ZNF804B: variants seen among roughly 807,000 people sequenced by gnomAD.
ZNF804B encodes zinc finger 804B.
Under a neutral mutation model 101.4 loss-of-function variants are expected in ZNF804B, and 80 were observed. That is an observed-to-expected ratio of 0.79 (90% CI 0.66 to 0.95). The LOEUF is 0.95. Among genes scored for constraint, ZNF804B ranks in the 40% least tolerant of loss-of-function variants. The probability of loss-of-function intolerance (pLI) is 0.00; values close to 1 mark genes in which losing one functional copy is unlikely to be tolerated. For synonymous variants in ZNF804B, 622 were observed against 558.8 expected (o/e 1.11, Z -1.59); for missense variants, 1,673 against 1,561.9 (o/e 1.07, Z -1.20).
At chr7:88,794,043 A>G in intron 1 of ZNF804B, 4 of 619,120 alleles carry the variant, frequency 6.5e-6, no homozygotes, top group South Asian at 3.5e-5. Flanking sequence ...AACATACTCT[A>G]TAAAGATTAA....
At chr7:89,153,460 A>ATAATAATAG (rs1205435677) in intron 1 of ZNF804B, among the ~76,000 whole-genome samples, 31 of 141,324 alleles carry the variant, frequency 2.2e-4, no homozygotes, top group Non-Finnish European at 3.5e-4. Flanking sequence ...AATAATAATA[A>ATAATAATAG]TAATTTTTGC....
chr7:88,934,115 A>G (rs1792932147), intron 1 of ZNF804B, among the ~76,000 whole-genome samples: 2 of 151,668 alleles, frequency 1.3e-5, no homozygotes, highest in Non-Finnish European at 3.0e-5. Context: ...AATAAAGCCA[A>G]ATAGAGCCAA....
In ZNF804B at chr7:89,336,209, C is replaced by G. The variant is rs1392111607; in HGVS notation, c.3227C>G (p.Ala1076Gly). 1 of 1,613,818 alleles carries G rather than the reference C, an allele frequency of 6.2e-7. No individual in the cohort carries two copies. Among genetic ancestry groups the G allele is most frequent in the Admixed American group, 1.7e-5 (1 of 59,960 alleles). ...CCAGTACCAAATGAATTCCCTGGTG[C>G]TTTTCCGTCTAATAAATATACTGGT... ...CDPVPNEFPG[A>G]FPSNKYTGVT... The change falls in exon 4 of 4, where the codon GCT (alanine) becomes GGT (glycine). Residue 1076 changes from alanine (A) to glycine (G), a missense_variant. Physicochemically the swap from Ala to Gly is moderately conservative, Grantham distance 60. Transcript: ENST00000333190.
intron 1 of ZNF804B, among the ~76,000 whole-genome samples, chr7:88,992,710 G>A (rs1208053057): frequency 1.3e-5 from 2 of 151,984 alleles, no homozygotes; most frequent in African/African-American, 4.8e-5. Context: ...GTTACATAAA[G>A]TAATATAATC....
At chr7:88,767,228 C>T (rs758360085) in intron 1 of ZNF804B, among the ~76,000 whole-genome samples, 8 of 152,186 alleles carry the variant, frequency 5.3e-5, no homozygotes, top group Non-Finnish European at 1.0e-4. Context: ...CTCCCCTGTT[C>T]ACCATCCACA....
chr7:89,316,881 A>G (rs1394848419), intron 2 of ZNF804B, among the ~76,000 whole-genome samples: 1 of 152,188 alleles, frequency 6.6e-6, no homozygotes, highest in Non-Finnish European at 1.5e-5. Context: ...CCTAAGTTTG[A>G]GTGTGAAACA....
At chr7:89,284,896 G>T (rs1219181912) in intron 2 of ZNF804B, among the ~76,000 whole-genome samples, 1 of 151,978 alleles carries the variant, frequency 6.6e-6, no homozygotes, top group Non-Finnish European at 1.5e-5. Flanking sequence ...GTTCTGAGGG[G>T]CCATTAAGAA....
At chr7:89,328,280 T>C (rs1472015260) in intron 3 of ZNF804B, among the ~76,000 whole-genome samples, 1 of 151,900 alleles carries the variant, frequency 6.6e-6, no homozygotes, top group Admixed American at 6.6e-5. Flanking sequence ...TAAAAGGTAA[T>C]TTTAAGGAAA....
intron 1 of ZNF804B, among the ~76,000 whole-genome samples, chr7:88,850,497 C>G (rs1033898682): frequency 1.3e-5 from 2 of 152,004 alleles, no homozygotes; most frequent in Non-Finnish European, 2.9e-5. Context: ...AAAGGATTAG[C>G]GGAAACATCT....
rs542176311 is a variant in ZNF804B, at chr7:88,789,084, A to C, written c.108+29000A>C. 5.9e-5 allele frequency among the ~76,000 whole-genome samples: 9 copies of C among 152,260 alleles called. No homozygotes were observed. In the South Asian group the frequency reaches 8.3e-4, roughly 14 times the overall value. ...AGTATTTTAATAAATCCAAAGTCCA[A>C]CCATTGTTAGAAATTAACAACTAAA... On this transcript the variant is annotated intron_variant, in intron 1 of 3. Coordinates refer to ENST00000333190, the MANE Select transcript of ZNF804B (RefSeq NM_181646.5).
chr7:88,787,123 T>A (rs1790314157), intron 1 of ZNF804B, among the ~76,000 whole-genome samples: 1 of 151,860 alleles, frequency 6.6e-6, no homozygotes, highest in Non-Finnish European at 1.5e-5. Context: ...CATGGAAAAA[T>A]TAGGGAACTG....
chr7:89,068,484 A>G (rs139211080), intron 1 of ZNF804B, among the ~76,000 whole-genome samples: 2 of 152,264 alleles, frequency 1.3e-5, no homozygotes, highest in African/African-American at 4.8e-5. Context: ...TATGATCACA[A>G]TGTTTAATGT....
intron 1 of ZNF804B, among the ~76,000 whole-genome samples, chr7:89,204,623 C>A (rs1788690397): frequency 6.6e-6 from 1 of 152,156 alleles, no homozygotes; most frequent in Non-Finnish European, 1.5e-5. Flanking sequence ...CTCAAAATCT[C>A]TTCATGCAAA....
chr7:89,103,057 T>TG (rs1790082799), intron 1 of ZNF804B, among the ~76,000 whole-genome samples: 1 of 71,852 alleles, frequency 1.4e-5, no homozygotes, highest in Non-Finnish European at 2.9e-5. Context: ...TGTTTTTTTT[T>TG]TTTTTTTTTT....
chr7:88,777,423 T>A (rs1790158715), intron 1 of ZNF804B, among the ~76,000 whole-genome samples: 1 of 152,242 alleles, frequency 6.6e-6, no homozygotes, highest in Admixed American at 6.5e-5. Context: ...CTGGAATAGG[T>A]ACTTTACTGG....
chr7:89,209,197 G>A (rs1254659741), intron 1 of ZNF804B, among the ~76,000 whole-genome samples: 2 of 151,898 alleles, frequency 1.3e-5, no homozygotes, highest in African/African-American at 4.8e-5. Context: ...TTCCAAATTA[G>A]AAACAATGCT....
intron 2 of ZNF804B, among the ~76,000 whole-genome samples, chr7:89,255,003 A>G (rs189309755): frequency 6.6e-6 from 1 of 152,298 alleles, no homozygotes; most frequent in East Asian, 1.9e-4. Flanking sequence ...ATTGTAATAT[A>G]TTAATCTGTT....
chr7:89,157,070 T>C (rs17308351), intron 1 of ZNF804B, among the ~76,000 whole-genome samples: 30,771 of 152,090 alleles, frequency 0.2, 3,346 homozygotes, highest in Non-Finnish European at 0.23. Flanking sequence ...AAGAAAATCT[T>C]TTTTGGTACA....
chr7:89,321,894 G>A (rs1049035056), intron 2 of ZNF804B, among the ~76,000 whole-genome samples: 29 of 152,180 alleles, frequency 1.9e-4, no homozygotes, highest in Non-Finnish European at 3.8e-4. Flanking sequence ...ATAGAAAAGA[G>A]ATATGACAGT....
Sources: allele counts gnomAD v4.1 joint callset (sites outside exome capture counted in the v4.1 genomes callset), GRCh38; gene constraint gnomAD v4.1.1; transcripts MANE v1.5; gene names NCBI Gene and HGNC (gene_info 2026-07-23, HGNC 2026-07-21).